The following JAML variants were observed in gnomAD, a reference collection of about 807,000 sequenced individuals.
JAML encodes the protein junction adhesion molecule like.
A neutral mutation model predicts 39.3 loss-of-function variants in JAML; 25 were observed. The ratio of observed to expected loss-of-function variants is 0.64; its 90% CI spans 0.46 to 0.89. The LOEUF (loss-of-function observed/expected upper bound fraction) is 0.89. JAML is among the 40% of genes least tolerant of loss of function. The probability of loss-of-function intolerance (pLI) is 0.00; values close to 1 mark genes in which losing one functional copy is unlikely to be tolerated. For missense variants in JAML, 440 were observed against 486.9 expected, an observed-to-expected ratio of 0.90 and a Z score of 0.91; for synonymous variants, 162 against 179.2, an observed-to-expected ratio of 0.90 and a Z score of 0.77.
At chr11:118,200,344 G>T in intron 7 of JAML, 130 bp downstream of exon 7, 2 of 1,145,272 alleles carry the variant, frequency 1.7e-6, no homozygotes, top group South Asian at 1.6e-5. Flanking sequence ...TACCACAGAT[G>T]ATTCCATTTA....
chr11:118,196,859 A>T, intron 8 of JAML, 38 bp from the exon 9 acceptor site: 1 of 1,535,500 alleles, frequency 6.5e-7, no homozygotes, highest in East Asian at 2.2e-5. Context: ...CCTAAAAATT[A>T]GATGAATCTT....
In JAML at chr11:118,203,550, C is replaced by T. The variant is rs1450358490; in HGVS notation, c.650G>A (p.Gly217Asp). The change falls in exon 6 of 10, where the codon GGT becomes GAT. Residue 217 changes from glycine to aspartate, a missense_variant. Gly to Asp is a moderately conservative substitution (Grantham distance 94, BLOSUM62 -1). Coordinates refer to ENST00000356289, the MANE Select transcript of JAML (RefSeq NM_001098526.2). ...NLVGDIFRND[G>D]SIMLQGVRES... Reference sequence around the variant, plus strand: ...CCTCACTCCTTGAAGCATGATGGAACCGTCATTGCGGAAAATGTCCCCCAC... The same window carrying T: ...CCTCACTCCTTGAAGCATGATGGAATCGTCATTGCGGAAAATGTCCCCCAC... The T allele has an allele frequency of 1.2e-6, 2 of 1,614,168 alleles. No individual in the cohort carries two copies. Among genetic ancestry groups the T allele is most frequent in the Non-Finnish European group, 8.5e-7 (1 of 1,180,010 alleles).
chr11:118,197,007 A>AC, intron 8 of JAML, 186 bp from the exon 9 acceptor site: 1 of 554,526 alleles, frequency 1.8e-6, no homozygotes, highest in East Asian at 3.1e-5. Context: ...ATTAACTGTC[A>AC]AAGAACACAG....
chr11:118,195,780 C>G (rs1447189063), intron 9 of JAML, among the ~76,000 whole-genome samples: 1 of 152,188 alleles, frequency 6.6e-6, no homozygotes, highest in East Asian at 1.9e-4. Flanking sequence ...AAACGACTCA[C>G]AGCAACACAA....
Position 118,200,629 on chromosome 11 carries a change from AG to A in JAML, c.773-18del, listed in dbSNP as rs774656483. Reference sequence around the variant, plus strand: ...TCACCAGTGCTTGGGAAAGTAGAAAAGCAAGGAGAGGGTCTCAATACTTTAG... The same window carrying A: ...TCACCAGTGCTTGGGAAAGTAGAAAACAAGGAGAGGGTCTCAATACTTTAG... On this transcript the variant is annotated intron_variant, in intron 6 of 9. Transcript: ENST00000356289. The A allele has an allele frequency of 4.3e-6, 7 of 1,614,064 alleles. No individual in the cohort carries two copies. Among genetic ancestry groups the A allele is most frequent in the Admixed American group, 1.7e-5 (1 of 60,024 alleles).
intron 7 of JAML, among the ~76,000 whole-genome samples, chr11:118,198,718 C>T (rs1948714645): frequency 6.7e-6 from 1 of 148,952 alleles, no homozygotes; most frequent in Admixed American, 6.7e-5. Flanking sequence ...AGAAAAGAAA[C>T]CATATGTTTT....
At chr11:118,203,218 G>C (rs1390581487) in intron 6 of JAML, 15 of 706,154 alleles carry the variant, frequency 2.1e-5, no homozygotes, top group Non-Finnish European at 3.6e-5. Flanking sequence ...CCTAGCAGCA[G>C]GGCCAGAACT....
chr11:118,210,581 G>C lies in JAML; in HGVS notation c.330C>G (p.Asp110Glu), dbSNP rs752275975. The C allele has an allele frequency of 6.2e-7, 1 of 1,614,212 alleles. No individual in the cohort carries two copies. Residue 110 changes from aspartate (D) to glutamate (E), a missense_variant, in exon 4 of 10, where the codon GAC becomes GAG. Transcript: ENST00000356289. ...SLLLQDVQEADQGTYICEIRL... is the reference protein window; with the variant it reads ...SLLLQDVQEAEQGTYICEIRL... The stretch of plus-strand genomic sequence containing the variant: ...GGATTTCACAGATATAGGTTCCCTG[G>C]TCAGCCTCTTGCACATCTTGGAGCA...
intron 6 of JAML, chr11:118,203,010 G>A (rs1441330484): frequency 2.2e-6 from 1 of 459,220 alleles, no homozygotes. Context: ...GTTCCTGGCT[G>A]TCTCTCACTA....
intron 1 of JAML, among the ~76,000 whole-genome samples, chr11:118,216,119 C>T (rs1461598505): frequency 1.3e-5 from 2 of 152,188 alleles, no homozygotes; most frequent in Non-Finnish European, 2.9e-5. Context: ...CACCTGTAAT[C>T]CCAGCACTTT....
intron 1 of JAML, among the ~76,000 whole-genome samples, chr11:118,217,034 GCA>G (rs916970654): frequency 2.6e-5 from 4 of 152,176 alleles, no homozygotes; most frequent in African/African-American, 9.7e-5. Flanking sequence ...CCAGAAAACA[GCA>G]CTTAGCAGTG....
intron 7 of JAML, among the ~76,000 whole-genome samples, chr11:118,199,141 A>G (rs1323242429): frequency 6.6e-6 from 1 of 152,174 alleles, no homozygotes; most frequent in Non-Finnish European, 1.5e-5. Flanking sequence ...GACACTGGCA[A>G]TTATCCCTAT....
At chr11:118,194,652 A>G (rs1948616817) in intron 9 of JAML, among the ~76,000 whole-genome samples, 1 of 152,232 alleles carries the variant, frequency 6.6e-6, no homozygotes, top group African/African-American at 2.4e-5. Flanking sequence ...TGGCTGCAAC[A>G]CAGAGTTAGA....
chr11:118,217,103 T>C (rs1193537452), intron 1 of JAML, among the ~76,000 whole-genome samples: 1 of 152,208 alleles, frequency 6.6e-6, no homozygotes, highest in Non-Finnish European at 1.5e-5. Context: ...AATTTATATG[T>C]CTGCCACCAA....
chr11:118,210,914 A>C (rs1161303589), intron 3 of JAML, among the ~76,000 whole-genome samples: 1 of 152,226 alleles, frequency 6.6e-6, no homozygotes, highest in East Asian at 1.9e-4. Flanking sequence ...CTACAAAGAC[A>C]AATGGAGAAA....
chr11:118,200,567 T>C lies in JAML; in HGVS notation c.818A>G (p.Asn273Ser). 1 of 1,614,114 alleles carries C rather than the reference T, an allele frequency of 6.2e-7. No homozygotes were observed. The highest frequency in any genetic ancestry group is 1.3e-5 in the African/African-American group (1 of 74,998). ...AALRPLVLGG[N>S]QLVIIVGIVC... ...AATTCCCACAATGATCACCAACTGATTACCACCCAAGACCAGAGGCCTCAG... is the reference window on the plus strand; with the variant it reads ...AATTCCCACAATGATCACCAACTGACTACCACCCAAGACCAGAGGCCTCAG... The change falls in exon 7 of 10, where the codon AAT becomes AGT. Residue 273 changes from asparagine (N) to serine (S), a missense_variant. Physicochemically the swap from Asn to Ser is conservative, Grantham distance 46 (BLOSUM62 1). Coordinates refer to ENST00000356289, the MANE Select transcript of JAML (RefSeq NM_001098526.2).
At chr11:118,219,763 C>T (rs953706876) in intron 1 of JAML, among the ~76,000 whole-genome samples, 1 of 152,262 alleles carries the variant, frequency 6.6e-6, no homozygotes, top group Non-Finnish European at 1.5e-5. Flanking sequence ...GACCTCTCCC[C>T]TACTCTGTCC....
intron 4 of JAML, chr11:118,209,108 T>G (rs1948987676): frequency 3.2e-6 from 1 of 316,392 alleles, no homozygotes; most frequent in African/African-American, 2.1e-5. Context: ...CAACAGCTTC[T>G]ACAGTTGCTT....
At chr11:118,224,510 T>C (rs554082666) in intron 1 of JAML, among the ~76,000 whole-genome samples, 1 of 152,314 alleles carries the variant, frequency 6.6e-6, no homozygotes, top group East Asian at 1.9e-4. Context: ...TCCCACAACA[T>C]CATGTTGTAT....
Sources: allele counts gnomAD v4.1 joint callset (sites outside exome capture counted in the v4.1 genomes callset), GRCh38; gene constraint gnomAD v4.1.1; transcripts MANE v1.5; gene names NCBI Gene and HGNC (gene_info 2026-07-23, HGNC 2026-07-21).